The following RORA variants were observed in gnomAD, a reference collection of about 807,000 sequenced individuals.
RORA encodes nuclear receptor ROR-alpha.
In RORA, 7 loss-of-function variants were observed where a neutral mutation model predicts 69.5. That is an observed-to-expected ratio of 0.10 (90% CI 0.06 to 0.19). RORA has a LOEUF of 0.19. Among genes scored for constraint, RORA ranks in the 10% least tolerant of loss-of-function variants. The probability of loss-of-function intolerance (pLI) is 1.00; values close to 1 mark genes in which losing one functional copy is unlikely to be tolerated. For missense variants in RORA, 457 were observed against 663.0 expected, an observed-to-expected ratio of 0.69 and a Z score of 3.41; for synonymous variants, 261 against 240.8, an observed-to-expected ratio of 1.08 and a Z score of -0.78.
chr15:61,187,039 C>T (rs1444666262), intron 1 of RORA, among the ~76,000 whole-genome samples: 2 of 152,258 alleles, frequency 1.3e-5, no homozygotes, highest in Non-Finnish European at 2.9e-5. Flanking sequence ...GTTTGAAAGG[C>T]ACTTTGTCCA....
chr15:60,666,674 G>C (rs1448311974), intron 2 of RORA, among the ~76,000 whole-genome samples: 1 of 152,160 alleles, frequency 6.6e-6, no homozygotes, highest in Non-Finnish European at 1.5e-5. Flanking sequence ...CTTTATAGGT[G>C]CAGAAGATGA....
intron 2 of RORA, among the ~76,000 whole-genome samples, chr15:60,599,293 G>GT (rs1282774462): frequency 6.6e-6 from 1 of 152,192 alleles, no homozygotes; most frequent in Non-Finnish European, 1.5e-5. Flanking sequence ...GCTCACGCCT[G>GT]TAATCCCAGC....
At chr15:61,028,397 T>C (rs1166559897) in intron 1 of RORA, among the ~76,000 whole-genome samples, 2 of 152,194 alleles carry the variant, frequency 1.3e-5, no homozygotes. Flanking sequence ...AGAAACAATC[T>C]GGTTTTAATG....
chr15:60,658,084 T>C (rs544753964), intron 2 of RORA, among the ~76,000 whole-genome samples: 113 of 151,954 alleles, frequency 7.4e-4, no homozygotes, highest in South Asian at 8.5e-4. Flanking sequence ...TCTTTCTTTT[T>C]TTCTTTTTTT....
intron 2 of RORA, among the ~76,000 whole-genome samples, chr15:60,617,293 A>G (rs140847088): frequency 7.0e-4 from 106 of 152,314 alleles, no homozygotes; most frequent in African/African-American, 2.3e-3. Context: ...ACCCAGCCCC[A>G]GTCTTCATTA....
At chr15:61,100,127 TTTTTTC>T (rs1378722959) in intron 1 of RORA, among the ~76,000 whole-genome samples, 1 of 148,682 alleles carries the variant, frequency 6.7e-6, no homozygotes, top group Non-Finnish European at 1.5e-5. Context: ...TTTTTTTTTT[TTTTTTC>T]TTTTGAGATG....
At chr15:60,505,387 T>A in intron 6 of RORA, 121 bp downstream of exon 6, 1 of 1,033,852 alleles carries the variant, frequency 9.7e-7, no homozygotes. Context: ...AAAAAGATAT[T>A]TAAACAGAAA....
chr15:61,117,245 A>G (rs2079059030), intron 1 of RORA, among the ~76,000 whole-genome samples: 1 of 149,576 alleles, frequency 6.7e-6, no homozygotes, highest in Admixed American at 6.7e-5. Context: ...ACTCTCCAGG[A>G]TTGCAAGGCA....
Position 61,005,979 on chromosome 15 carries a change from GT to G in RORA, c.166+223073del, listed in dbSNP as rs551026992. On this transcript the variant is annotated intron_variant, in intron 1 of 10. Coordinates refer to ENST00000335670, the MANE Select transcript of RORA (RefSeq NM_134261.3). ...TGTTTGTTTTGTTTTGTTTTGTTTTGTTTTTTTTGAGAAGGAGTCTCGCTCT... is the reference window on the plus strand; with the variant it reads ...TGTTTGTTTTGTTTTGTTTTGTTTTGTTTTTTTGAGAAGGAGTCTCGCTCT... Among the ~76,000 whole-genome samples the G allele has an allele frequency of 3.6e-4, 53 of 146,556 alleles. 1 individual carries two copies. In the South Asian group the frequency reaches 0.011, roughly 30 times the overall value.
intron 1 of RORA, among the ~76,000 whole-genome samples, chr15:60,957,972 CT>C: frequency 6.7e-6 from 1 of 149,362 alleles, no homozygotes; most frequent in African/African-American, 2.5e-5. Context: ...TTTTTTTTCC[CT>C]AATCCAGGAT....
chr15:60,791,339 C>A (rs984986354), intron 1 of RORA, among the ~76,000 whole-genome samples: 3 of 151,786 alleles, frequency 2.0e-5, no homozygotes, highest in Non-Finnish European at 4.4e-5. Flanking sequence ...AATCTACTAA[C>A]CCCTTACAGA....
chr15:60,580,885 A>T (rs1471844217), intron 2 of RORA, among the ~76,000 whole-genome samples: 1 of 152,242 alleles, frequency 6.6e-6, no homozygotes, highest in East Asian at 1.9e-4. Context: ...CATTTCTTAC[A>T]TCTGAACAAC....
At position 60,491,232 on chromosome 15, in the gene RORA, T is replaced by C. The variant is rs1214717586; in HGVS notation, c.*6223A>G. On this transcript the variant is annotated 3_prime_UTR_variant, in exon 11 of 11. Transcript: ENST00000335670. ...TTCCTAGAAATAGTATTCATCCACATTAAAGTAATAATGATGAAAAAGGAA... is the reference window on the plus strand; with the variant it reads ...TTCCTAGAAATAGTATTCATCCACACTAAAGTAATAATGATGAAAAAGGAA... 6.6e-6 allele frequency: 1 copy of C among 152,172 alleles called. No individual in the cohort carries two copies. The highest frequency in any genetic ancestry group is 1.5e-5 in the Non-Finnish European group (1 of 68,016). The allele number at this position is 152,172 out of a possible 1,614,324, so 9.4% of individuals were successfully genotyped here.
At chr15:60,509,263 A>G (rs558905569) in intron 5 of RORA, among the ~76,000 whole-genome samples, 1 of 152,338 alleles carries the variant, frequency 6.6e-6, no homozygotes, top group East Asian at 1.9e-4. Flanking sequence ...CCAATTATAT[A>G]CTTTCCAGAT....
At chr15:60,897,836 A>G (rs879462209) in intron 1 of RORA, among the ~76,000 whole-genome samples, 2 of 152,260 alleles carry the variant, frequency 1.3e-5, no homozygotes, top group Non-Finnish European at 2.9e-5. Flanking sequence ...GCTTCCTGTT[A>G]AGCACCAAAG....
intron 1 of RORA, among the ~76,000 whole-genome samples, chr15:61,110,107 C>T (rs1416020042): frequency 3.3e-5 from 5 of 152,144 alleles, no homozygotes; most frequent in Non-Finnish European, 5.9e-5. Flanking sequence ...TATAAGAGTA[C>T]ACACAGACTG....
At chr15:60,740,624 AC>A (rs1476136104) in intron 1 of RORA, among the ~76,000 whole-genome samples, 1 of 152,114 alleles carries the variant, frequency 6.6e-6, no homozygotes, top group Non-Finnish European at 1.5e-5. Flanking sequence ...AGCTGTTGAA[AC>A]CACCCCAGGA....
intron 1 of RORA, among the ~76,000 whole-genome samples, chr15:61,019,963 C>G (rs1219800643): frequency 6.6e-6 from 1 of 152,230 alleles, no homozygotes; most frequent in East Asian, 1.9e-4. Context: ...TCTTCTCTCT[C>G]TGTATCCTTC....
chr15:60,606,173 C>A (rs776209784), intron 2 of RORA, among the ~76,000 whole-genome samples: 2 of 152,206 alleles, frequency 1.3e-5, no homozygotes, highest in Non-Finnish European at 2.9e-5. Flanking sequence ...TGACTCACAG[C>A]AACCTTCAAA....
Sources: gnomAD v4.1 joint callset for allele counts (sites outside exome capture counted in the v4.1 genomes callset) on GRCh38, gnomAD v4.1.1 for gene constraint, MANE v1.5 for transcripts, NCBI Gene and HGNC (gene_info 2026-07-23, HGNC 2026-07-21) for gene names.